The following TACR1 variants were observed in gnomAD, a reference collection of about 807,000 sequenced individuals.
The protein encoded by TACR1 is substance-P receptor.
A neutral mutation model predicts 35.8 loss-of-function variants in TACR1; 25 were observed. The observed-to-expected ratio is 0.70, with a 90% CI of 0.51 to 0.98. TACR1 has a LOEUF of 0.98. Ranked by LOEUF, TACR1 falls within the 50% of genes least tolerant of loss-of-function variation. The pLI, the probability that TACR1 is intolerant of heterozygous loss-of-function variation, is 0.00. For missense variants in TACR1, 478 were observed against 522.9 expected, an observed-to-expected ratio of 0.91 and a Z score of 0.84; for synonymous variants, 195 against 206.7, an observed-to-expected ratio of 0.94 and a Z score of 0.48.
intron 2 of TACR1, among the ~76,000 whole-genome samples, chr2:75,080,610 G>A (rs1196623878): frequency 6.6e-6 from 1 of 152,082 alleles, no homozygotes; most frequent in East Asian, 1.9e-4. Context: ...TAACTACAGA[G>A]GACAGAAGAT....
At chr2:75,154,186 G>A (rs3729565) in intron 1 of TACR1, among the ~76,000 whole-genome samples, 72,328 of 151,448 alleles carry the variant, frequency 0.48, 17,998 homozygotes, top group Middle Eastern at 0.61. Context: ...TGGCTCCCTC[G>A]GGATCTGAAC....
chr2:75,185,575 AG>A (rs1675672648), intron 1 of TACR1, among the ~76,000 whole-genome samples: 1 of 152,204 alleles, frequency 6.6e-6, no homozygotes, highest in East Asian at 1.9e-4. Context: ...ACAAATACAA[AG>A]GAATAACAAA....
At chr2:75,093,201 C>G (rs1476414986) in intron 2 of TACR1, among the ~76,000 whole-genome samples, 1 of 152,152 alleles carries the variant, frequency 6.6e-6, no homozygotes, top group Non-Finnish European at 1.5e-5. Flanking sequence ...ATTTTCTTCT[C>G]TTCACAAATC....
chr2:75,132,682 A>G (rs949051674), intron 1 of TACR1, among the ~76,000 whole-genome samples: 3 of 152,044 alleles, frequency 2.0e-5, no homozygotes, highest in Non-Finnish European at 4.4e-5. Context: ...TTGGAACTTT[A>G]TCTTTGAGGA....
At chr2:75,092,036 G>C (rs1673322779) in intron 2 of TACR1, among the ~76,000 whole-genome samples, 1 of 152,228 alleles carries the variant, frequency 6.6e-6, no homozygotes, top group Non-Finnish European at 1.5e-5. Flanking sequence ...ACATCAGTGT[G>C]AGGTGTTTGT....
chr2:75,052,462 C>CA (rs1672487745), intron 3 of TACR1, among the ~76,000 whole-genome samples: 2 of 152,162 alleles, frequency 1.3e-5, no homozygotes, highest in South Asian at 4.2e-4. Context: ...GATGTAACCC[C>CA]TTCCCAAGGC....
At chr2:75,059,199 C>T (rs1462559865) in intron 2 of TACR1, among the ~76,000 whole-genome samples, 1 of 152,164 alleles carries the variant, frequency 6.6e-6, no homozygotes, top group Non-Finnish European at 1.5e-5. Flanking sequence ...AATATCCATA[C>T]CACATAATCA....
chr2:75,053,688 C>T lies in TACR1; in HGVS notation c.652G>A (p.Val218Ile), dbSNP rs200932811. 5.3e-5 allele frequency: 86 copies of T among 1,613,268 alleles called. 1 individual carries two copies. The highest frequency in any genetic ancestry group is 2.6e-4 in the South Asian group (24 of 90,874). The change falls in exon 3 of 5, where the codon GTA (valine) becomes ATA (isoleucine). Residue 218 changes from valine to isoleucine, a missense_variant. Val to Ile is a conservative substitution (Grantham distance 29, BLOSUM62 3). Transcript: ENST00000305249. The stretch of plus-strand genomic sequence containing the variant: ...CTGGCCCATAGTGTGATTCCCACTA[C>T]GGTGTATGCATAGCCAATCACCAGC... The part of the protein sequence containing the change: ...PLLVIGYAYT[V>I]VGITLWASEI...
chr2:75,133,262 ATTTT>A (rs1483073746), intron 1 of TACR1, among the ~76,000 whole-genome samples: 1 of 152,294 alleles, frequency 6.6e-6, no homozygotes, highest in African/African-American at 2.4e-5. Context: ...CTTATTCGGC[ATTTT>A]TTATTTAATT....
intron 1 of TACR1, among the ~76,000 whole-genome samples, chr2:75,140,015 C>T (rs971396495): frequency 6.6e-6 from 1 of 152,096 alleles, no homozygotes; most frequent in Non-Finnish European, 1.5e-5. Flanking sequence ...TTTAAATGAA[C>T]ATGTTTCCAT....
At chr2:75,106,811 C>T (rs777881798) in intron 2 of TACR1, among the ~76,000 whole-genome samples, 4 of 151,174 alleles carry the variant, frequency 2.6e-5, no homozygotes, top group Non-Finnish European at 5.9e-5. Context: ...AGATAATAGT[C>T]AACAAACCAT....
At chr2:75,162,688 C>G (rs1675040272) in intron 1 of TACR1, among the ~76,000 whole-genome samples, 1 of 152,102 alleles carries the variant, frequency 6.6e-6, no homozygotes, top group Admixed American at 6.5e-5. Context: ...ATATTTTTAG[C>G]AATTTTTTGT....
intron 2 of TACR1, among the ~76,000 whole-genome samples, chr2:75,104,579 A>C (rs1273165438): frequency 1.3e-5 from 2 of 152,078 alleles, no homozygotes; most frequent in Non-Finnish European, 2.9e-5. Context: ...ATAGCAGCAG[A>C]ATACACATTC....
In TACR1 at chr2:75,079,380, G is replaced by T. The variant is rs537257540; in HGVS notation, c.585-25625C>A. On this transcript the variant is annotated intron_variant, in intron 2 of 4. Transcript: ENST00000305249. The stretch of plus-strand genomic sequence containing the variant: ...CAACCCATCTTCCCCATTCGTGCCA[G>T]ATTTCTATTCCCCAAACCCAGTTAC... Among the ~76,000 whole-genome samples, 3 of 152,294 alleles carry T rather than the reference G, an allele frequency of 2.0e-5. No individual in the cohort carries two copies. The East Asian group carries it at 5.8e-4, about 29-fold the overall frequency.
chr2:75,107,690 C>T lies in TACR1; in HGVS notation c.584+12884G>A, dbSNP rs547295339. ...TTAAAAAGTAAAGAATACGAGAGCA[C>T]TATATATCAGCATTTATGGAATGGA... On this transcript the variant is annotated intron_variant, in intron 2 of 4. Transcript: ENST00000305249. Among the ~76,000 whole-genome samples the T allele has an allele frequency of 2.0e-5, 3 of 151,932 alleles. No homozygotes were observed. In the South Asian group the frequency reaches 6.2e-4, roughly 31 times the overall value.
At position 75,198,921 on chromosome 2, in the gene TACR1, A is replaced by C. The variant is rs752537876; in HGVS notation, c.14T>G (p.Leu5Arg). MDNV[L>R]PVDSDLSPNI... The stretch of plus-strand genomic sequence containing the variant: ...TGGGGAGAGGTCTGAGTCCACCGGG[A>C]GGACGTTATCCATTTCGAAGCTAGG... Residue 5 changes from leucine to arginine, a missense_variant, in exon 1 of 5, where the codon CTC (leucine) becomes CGC (arginine). Physicochemically the swap from Leu to Arg is moderately radical, Grantham distance 102 (BLOSUM62 -2). Coordinates refer to ENST00000305249, the MANE Select transcript of TACR1 (RefSeq NM_001058.4). 1.6e-5 allele frequency: 26 copies of C among 1,613,246 alleles called. No individual in the cohort carries two copies. The highest frequency in any genetic ancestry group is 1.9e-5 in the Non-Finnish European group (23 of 1,179,988).
At chr2:75,085,830 T>G (rs2103842153) in intron 2 of TACR1, among the ~76,000 whole-genome samples, 1 of 152,306 alleles carries the variant, frequency 6.6e-6, no homozygotes, top group Admixed American at 6.5e-5. Flanking sequence ...GTTAGAACAT[T>G]TTCAGATTTC....
At chr2:75,066,347 A>G (rs921889492) in intron 2 of TACR1, among the ~76,000 whole-genome samples, 2 of 152,208 alleles carry the variant, frequency 1.3e-5, no homozygotes, top group East Asian at 1.9e-4. Flanking sequence ...AGCCCTGTGC[A>G]TTTCTTTCTC....
chr2:75,134,872 G>C (rs564677774), intron 1 of TACR1, among the ~76,000 whole-genome samples: 1 of 152,172 alleles, frequency 6.6e-6, no homozygotes, highest in Non-Finnish European at 1.5e-5. Context: ...CTCAGATGTT[G>C]ATGAAGAAAC....
Sources: gnomAD v4.1 joint callset for allele counts (sites outside exome capture counted in the v4.1 genomes callset) on GRCh38, gnomAD v4.1.1 for gene constraint, MANE v1.5 for transcripts, NCBI Gene and HGNC (gene_info 2026-07-23, HGNC 2026-07-21) for gene names.